Variants in APLP2 observed in about 807,000 individuals in gnomAD.
APLP2 encodes the protein amyloid beta precursor like protein 2, also known as CDEI box-binding protein.
In APLP2, 53 loss-of-function variants were observed where a neutral mutation model predicts 89.9. The observed-to-expected ratio is 0.59, with a 90% CI of 0.47 to 0.74. The LOEUF is 0.74. Ranked by LOEUF, APLP2 falls within the 30% of genes least tolerant of loss-of-function variation. The pLI, the probability that APLP2 is intolerant of heterozygous loss-of-function variation, is 0.00. For synonymous variants in APLP2, 372 were observed against 348.6 expected (o/e 1.07, Z -0.75); for missense variants, 973 against 975.9 (o/e 1.00, Z 0.04).
rs531730654 is a variant in APLP2 at position 130,128,528 on chromosome 11, A to G, written c.1297-520A>G. 8.5e-5 allele frequency among the ~76,000 whole-genome samples: 13 copies of G among 152,350 alleles called. No individual in the cohort carries two copies. In the South Asian group the frequency reaches 2.5e-3, roughly 29 times the overall value. On this transcript the variant is annotated intron_variant, in intron 9 of 16. Coordinates refer to ENST00000338167, the MANE Select transcript of APLP2 (RefSeq NM_001142276.2). ...CAGGGAAATGTAGTTCAGCAGGCTT[A>G]AACTGTACCTGTAAACCTGGCTGGA...
At chr11:130,124,337 C>T (rs1950156145) in intron 7 of APLP2, among the ~76,000 whole-genome samples, 1 of 152,204 alleles carries the variant, frequency 6.6e-6, no homozygotes, top group East Asian at 1.9e-4. Context: ...GTGACTCACT[C>T]TGTTTCTTCA....
At chr11:130,116,619 C>T (rs1333238368) in intron 3 of APLP2, among the ~76,000 whole-genome samples, 1 of 151,924 alleles carries the variant, frequency 6.6e-6, no homozygotes, top group East Asian at 2.0e-4. Context: ...TACAGGCATT[C>T]GCCACCACGC....
Position 130,133,674 on chromosome 11 carries a change from C to A in APLP2, c.1630C>A (p.Leu544Ile). 1 of 1,614,208 alleles carries A rather than the reference C, an allele frequency of 6.2e-7. No homozygotes were observed. Among genetic ancestry groups the A allele is most frequent in the Non-Finnish European group, 8.5e-7 (1 of 1,180,026 alleles). The change falls in exon 12 of 17, where the codon CTC (leucine) becomes ATC (isoleucine). Residue 544 changes from leucine to isoleucine, a missense_variant. Leu to Ile is a conservative substitution (Grantham distance 5). Coordinates refer to ENST00000338167, the MANE Select transcript of APLP2 (RefSeq NM_001142276.2). ...GATTGAAGAAAGGAGGAACCAAAGCCTCTCTCTGCTCTACAAAGTACCTTA... is the reference window on the plus strand; with the variant it reads ...GATTGAAGAAAGGAGGAACCAAAGCATCTCTCTGCTCTACAAAGTACCTTA... Reference protein sequence around the residue: ...HVIEERRNQSLSLLYKVPYVA... With the variant: ...HVIEERRNQSISLLYKVPYVA...
At chr11:130,134,054 G>A (rs940614258) in intron 12 of APLP2, among the ~76,000 whole-genome samples, 1 of 152,178 alleles carries the variant, frequency 6.6e-6, no homozygotes, top group African/African-American at 2.4e-5. Context: ...ATTATTTCAA[G>A]CACCTGATTT....
chr11:130,070,951 G>GGCGGGGTCC (rs1188497749), intron 1 of APLP2, among the ~76,000 whole-genome samples: 1 of 151,760 alleles, frequency 6.6e-6, no homozygotes. Flanking sequence ...GGGCGGGGGC[G>GGCGGGGTCC]GCGGGGTCCG....
At chr11:130,073,043 G>T (rs1016155369) in intron 1 of APLP2, among the ~76,000 whole-genome samples, 2 of 152,218 alleles carry the variant, frequency 1.3e-5, no homozygotes, top group Non-Finnish European at 1.5e-5. Context: ...ACTTTTAACT[G>T]AAATAATTTG....
At chr11:130,139,561 C>T (rs1423146371) in intron 13 of APLP2, 5 of 152,230 alleles carry the variant, frequency 3.3e-5, no homozygotes, top group African/African-American at 1.2e-4. Context: ...ACGTTCCCTC[C>T]CTGGGCCTGT....
At position 130,121,739 on chromosome 11, in the gene APLP2, A is replaced by T; in HGVS notation, c.642A>T (p.Lys214Asn). Reference sequence around the variant, plus strand: ...CAAAGATTATTGGATCTGTGTCAAAAGAAGAGGAAGAGGAAGATGAAGAGG... The same window carrying T: ...CAAAGATTATTGGATCTGTGTCAAATGAAGAGGAAGAGGAAGATGAAGAGG... ...PQTKIIGSVS[K>N]EEEEEDEEEE... Residue 214 changes from lysine to asparagine, a missense_variant, in exon 5 of 17, where the codon AAA becomes AAT. Coordinates refer to ENST00000338167, the MANE Select transcript of APLP2 (RefSeq NM_001142276.2). The T allele has an allele frequency of 6.2e-7, 1 of 1,613,216 alleles. No homozygotes were observed. The highest frequency in any genetic ancestry group is 8.5e-7 in the Non-Finnish European group (1 of 1,179,908).
intron 3 of APLP2, among the ~76,000 whole-genome samples, chr11:130,112,263 G>T (rs2135825252): frequency 6.6e-6 from 1 of 152,294 alleles, no homozygotes; most frequent in South Asian, 2.1e-4. Context: ...GTTTCATCAT[G>T]ACATCATTTC....
At chr11:130,089,779 C>G (rs1391960123) in intron 1 of APLP2, among the ~76,000 whole-genome samples, 1 of 152,248 alleles carries the variant, frequency 6.6e-6, no homozygotes, top group African/African-American at 2.4e-5. Context: ...TCGCTCTTGG[C>G]TTTTGGCAGC....
At chr11:130,070,204 T>C (rs1204124139) in intron 1 of APLP2, 122 bp downstream of exon 1, 1 of 458,388 alleles carries the variant, frequency 2.2e-6, no homozygotes, top group East Asian at 5.9e-5. Flanking sequence ...GGTCCGGCTC[T>C]GCGGCGGGTC....
At chr11:130,078,103 A>G (rs1942445597) in intron 1 of APLP2, among the ~76,000 whole-genome samples, 1 of 150,082 alleles carries the variant, frequency 6.7e-6, no homozygotes, top group East Asian at 2.0e-4. Flanking sequence ...CACTTTTTGT[A>G]TTTCCTTATA....
At chr11:130,113,862 C>T (rs1334840760) in intron 3 of APLP2, among the ~76,000 whole-genome samples, 1 of 152,016 alleles carries the variant, frequency 6.6e-6, no homozygotes, top group Non-Finnish European at 1.5e-5. Flanking sequence ...CTCTGTGTAC[C>T]CTTCACCCAG....
intron 1 of APLP2, among the ~76,000 whole-genome samples, chr11:130,099,299 T>C (rs532678452): frequency 1.3e-5 from 2 of 152,344 alleles, no homozygotes; most frequent in Non-Finnish European, 2.9e-5. Flanking sequence ...CCATCTGTTA[T>C]AGTGTGAAAA....
intron 1 of APLP2, among the ~76,000 whole-genome samples, chr11:130,094,047 A>AT (rs138605738): frequency 0.05 from 3,824 of 76,308 alleles, 143 homozygotes; most frequent in African/African-American, 0.08. Flanking sequence ...TCCCGGCCGT[A>AT]TTTTTTTTTT....
intron 16 of APLP2, among the ~76,000 whole-genome samples, chr11:130,142,409 A>G (rs1952531403): frequency 6.6e-6 from 1 of 151,960 alleles, no homozygotes; most frequent in South Asian, 2.1e-4. Context: ...GAAAGGAGCA[A>G]CAGGAAATTT....
chr11:130,088,308 A>G (rs1321324298), intron 1 of APLP2, among the ~76,000 whole-genome samples: 1 of 152,228 alleles, frequency 6.6e-6, no homozygotes, highest in Non-Finnish European at 1.5e-5. Context: ...TGTTCAGGGA[A>G]GGCTGCAAGC....
intron 1 of APLP2, among the ~76,000 whole-genome samples, chr11:130,103,876 G>T (rs1046021856): frequency 6.6e-6 from 1 of 151,956 alleles, no homozygotes; most frequent in Non-Finnish European, 1.5e-5. Context: ...AAGGCCAGAG[G>T]GAATCTAGGA....
intron 1 of APLP2, among the ~76,000 whole-genome samples, chr11:130,072,191 G>C (rs1199164551): frequency 6.6e-6 from 1 of 152,204 alleles, no homozygotes; most frequent in African/African-American, 2.4e-5. Context: ...TCTCCTGTGT[G>C]CATGCTCCCA....
Sources: allele counts gnomAD v4.1 joint callset (sites outside exome capture counted in the v4.1 genomes callset), GRCh38; gene constraint gnomAD v4.1.1; transcripts MANE v1.5; gene names NCBI Gene and HGNC (gene_info 2026-07-23, HGNC 2026-07-21).